SSH2: variants seen among roughly 807,000 people sequenced by gnomAD.
The protein encoded by SSH2 is slingshot protein phosphatase 2, also known as protein phosphatase Slingshot homolog 2.
SSH2 carries 37 observed loss-of-function variants against 135.2 expected under a neutral mutation model. That is an observed-to-expected ratio of 0.27 (90% CI 0.21 to 0.36). SSH2 has a LOEUF of 0.36. Ranked by LOEUF, SSH2 falls within the 10% of genes least tolerant of loss-of-function variation. SSH2 has a pLI of 1.00. For missense variants in SSH2, 1,408 were observed against 1,765.3 expected, an observed-to-expected ratio of 0.80 and a Z score of 3.63; for synonymous variants, 628 against 646.2, an observed-to-expected ratio of 0.97 and a Z score of 0.43.
chr17:29,834,080 T>C (rs888901360), intron 2 of SSH2, among the ~76,000 whole-genome samples: 1 of 151,806 alleles, frequency 6.6e-6, no homozygotes, highest in African/African-American at 2.4e-5. Context: ...GCAAATAATA[T>C]CTTGTAACCC....
At chr17:29,751,731 G>C (rs1316042948) in intron 3 of SSH2, among the ~76,000 whole-genome samples, 1 of 151,948 alleles carries the variant, frequency 6.6e-6, no homozygotes, top group Non-Finnish European at 1.5e-5. Flanking sequence ...GTTGTTATGT[G>C]GTGCATAACT....
chr17:29,863,155 T>C (rs550271957), intron 1 of SSH2, among the ~76,000 whole-genome samples: 71 of 152,308 alleles, frequency 4.7e-4, no homozygotes, highest in Non-Finnish European at 5.9e-5. Context: ...AAATATTTAC[T>C]AACTGGTCCT....
chr17:29,737,691 T>A (rs1298978979), intron 3 of SSH2, among the ~76,000 whole-genome samples: 2 of 152,228 alleles, frequency 1.3e-5, no homozygotes, highest in African/African-American at 4.8e-5. Flanking sequence ...CACAGGGTTA[T>A]TCCAAGGGTT....
At chr17:29,668,684 C>T (rs1340311780) in intron 9 of SSH2, among the ~76,000 whole-genome samples, 1 of 152,100 alleles carries the variant, frequency 6.6e-6, no homozygotes, top group Admixed American at 6.6e-5. Flanking sequence ...CTGCAGTGAG[C>T]CCTGATTGTA....
intron 3 of SSH2, among the ~76,000 whole-genome samples, 180 bp from the exon 4 acceptor site, chr17:29,703,242 C>G (rs534799463): frequency 6.6e-6 from 1 of 152,138 alleles, no homozygotes; most frequent in East Asian, 1.9e-4. Flanking sequence ...CTACTCTAGA[C>G]AAGTTTGCTT....
In SSH2 at chr17:29,686,478, C is replaced by T. The variant is rs541245269; in HGVS notation, c.358-1794G>A. Among the ~76,000 whole-genome samples, 15 of 151,434 alleles carry T rather than the reference C, an allele frequency of 9.9e-5. No homozygotes were observed. The East Asian group carries it at 2.7e-3, about 27-fold the overall frequency. ...CCAGGTTCAAGCAATTTTCCTGCCT[C>T]AGCCTCCTGGGTAGCTGGGACTACA... On this transcript the variant is annotated intron_variant, in intron 5 of 15. Transcript: ENST00000540801.
intron 6 of SSH2, among the ~76,000 whole-genome samples, chr17:29,678,610 C>T (rs1054721499): frequency 2.6e-5 from 4 of 151,898 alleles, no homozygotes; most frequent in Admixed American, 2.6e-4. Context: ...TGAAACACTG[C>T]TTTGTGACTG....
intron 3 of SSH2, among the ~76,000 whole-genome samples, chr17:29,768,159 T>C (rs1300002347): frequency 6.6e-6 from 1 of 152,000 alleles, no homozygotes; most frequent in Non-Finnish European, 1.5e-5. Context: ...GCTAAAAATA[T>C]ATATATTAGA....
chr17:29,920,402 G>C (rs968370906), intron 1 of SSH2, among the ~76,000 whole-genome samples: 4 of 152,170 alleles, frequency 2.6e-5, no homozygotes, highest in Non-Finnish European at 5.9e-5. Flanking sequence ...CAAAATGTAA[G>C]CTAGTTTAAA....
At chr17:29,779,088 A>AT (rs956908803) in intron 3 of SSH2, among the ~76,000 whole-genome samples, 7 of 151,694 alleles carry the variant, frequency 4.6e-5, no homozygotes, top group African/African-American at 9.7e-5. Context: ...GATATACCTA[A>AT]TTTTTTTTCT....
chr17:29,631,512 C>T lies in SSH2; in HGVS notation c.3682G>A (p.Glu1228Lys), dbSNP rs2035671199. ...KLGDNTGELQEKMDPLPVACR... is the reference protein window; with the variant it reads ...KLGDNTGELQKKMDPLPVACR... Reference sequence around the variant, plus strand: ...GCTACAGGCAATGGGTCCATTTTCTCCTGTAACTCCCCAGTGTTGTCACCA... The same window carrying T: ...GCTACAGGCAATGGGTCCATTTTCTTCTGTAACTCCCCAGTGTTGTCACCA... Residue 1228 changes from glutamate to lysine, a missense_variant, in exon 16 of 16, where the codon GAG becomes AAG. This residue lies in a region of SSH2 where 1,080 missense variants were observed against 1,144.5 expected (regional missense o/e 0.94). Coordinates refer to ENST00000540801, the MANE Select transcript of SSH2 (RefSeq NM_001282129.2). 1 of 1,614,152 alleles carries T rather than the reference C, an allele frequency of 6.2e-7. No individual in the cohort carries two copies. The highest frequency in any genetic ancestry group is 1.1e-5 in the South Asian group (1 of 91,082).
chr17:29,795,663 G>T (rs1177555444), intron 2 of SSH2, among the ~76,000 whole-genome samples: 1 of 152,144 alleles, frequency 6.6e-6, no homozygotes, highest in African/African-American at 2.4e-5. Context: ...TGATTTCCTG[G>T]AATATCATTT....
At chr17:29,673,673 T>C (rs1449771490) in intron 8 of SSH2, among the ~76,000 whole-genome samples, 1 of 152,148 alleles carries the variant, frequency 6.6e-6, no homozygotes, top group Non-Finnish European at 1.5e-5. Flanking sequence ...TATCTTGTAA[T>C]CCTACCACCC....
intron 3 of SSH2, among the ~76,000 whole-genome samples, chr17:29,773,018 T>TGTCC (rs979331848): frequency 2.3e-5 from 3 of 128,126 alleles, no homozygotes; most frequent in Admixed American, 7.9e-5. Flanking sequence ...ATTCCCCATC[T>TGTCC]GTCCATCCAT....
intron 3 of SSH2, among the ~76,000 whole-genome samples, chr17:29,778,661 A>AAAATAAATAAAT (rs35357918): frequency 1.4e-5 from 2 of 142,856 alleles, no homozygotes; most frequent in African/African-American, 5.2e-5. Context: ...TAAATAAATA[A>AAAATAAATAAAT]AAATAAATAA....
rs537105842 is a variant in SSH2 at position 29,709,050 on chromosome 17, A to C, written c.189-5988T>G. On this transcript the variant is annotated intron_variant, in intron 3 of 15. Coordinates refer to ENST00000540801, the MANE Select transcript of SSH2 (RefSeq NM_001282129.2). ...GAGAGAGAGAGAGAGAGAGAGAGAG[A>C]GAGCTAATAATAGCTAACTCAACTA... is the stretch of plus-strand genomic sequence containing the variant. 4.9e-3 allele frequency among the ~76,000 whole-genome samples: 714 copies of C among 145,550 alleles called. 2 individuals carry two copies. Among genetic ancestry groups the C allele is most frequent in the Non-Finnish European group, 7.1e-3 (472 of 66,530 alleles).
intron 3 of SSH2, among the ~76,000 whole-genome samples, chr17:29,726,873 T>TA (rs1167614978): frequency 8.5e-5 from 13 of 152,164 alleles, no homozygotes; most frequent in Admixed American, 8.5e-4. Context: ...CAAAATAGGT[T>TA]TTTTCCACCA....
At chr17:29,853,214 G>A (rs142124147) in intron 1 of SSH2, among the ~76,000 whole-genome samples, 50 of 151,214 alleles carry the variant, frequency 3.3e-4, no homozygotes, top group African/African-American at 1.1e-3. Flanking sequence ...AGCCTCCCGA[G>A]TAGCTGGGAC....
intron 1 of SSH2, among the ~76,000 whole-genome samples, chr17:29,915,696 GTGC>G (rs2066869047): frequency 6.6e-6 from 1 of 151,924 alleles, no homozygotes; most frequent in African/African-American, 2.4e-5. Flanking sequence ...ATTCTGTATG[GTGC>G]TCCAGGGTCA....
Sources: allele counts gnomAD v4.1 joint callset (sites outside exome capture counted in the v4.1 genomes callset), GRCh38; gene constraint gnomAD v4.1.1; regional missense constraint gnomAD v4.1.1; transcripts MANE v1.5; gene names NCBI Gene and HGNC (gene_info 2026-07-23, HGNC 2026-07-21).